SGCD: variants seen among roughly 807,000 people sequenced by gnomAD.
The protein encoded by SGCD is sarcoglycan delta.
A neutral mutation model predicts 36.6 loss-of-function variants in SGCD; 18 were observed. The ratio of observed to expected loss-of-function variants is 0.49; its 90% CI spans 0.34 to 0.73. SGCD has a LOEUF of 0.73. SGCD is among the 30% of genes least tolerant of loss of function. SGCD has a pLI of 0.01. For missense variants in SGCD, 387 were observed against 346.7 expected, an observed-to-expected ratio of 1.12 and a Z score of -0.92; for synonymous variants, 133 against 130.6, an observed-to-expected ratio of 1.02 and a Z score of -0.12.
rs138848412 is a variant in SGCD, at chr5:156,762,182, A to G, written c.*2792A>G. The G allele has an allele frequency of 2.0e-5, 3 of 152,760 alleles. No individual in the cohort carries two copies. Among genetic ancestry groups the G allele is most frequent in the African/African-American group, 7.2e-5 (3 of 41,588 alleles). 9.5% of individuals were successfully genotyped at this position (152,760 alleles called of 1,614,324 possible). Reference sequence around the variant, plus strand: ...AAATGAGATTCTTTCTAATCTTTATATATGACATTTTCTAGACAATCGCAC... The same window carrying G: ...AAATGAGATTCTTTCTAATCTTTATGTATGACATTTTCTAGACAATCGCAC... On this transcript the variant is annotated 3_prime_UTR_variant, in exon 9 of 9. Coordinates refer to ENST00000337851, the MANE Select transcript of SGCD (RefSeq NM_000337.6).
chr5:155,854,354 T>C, the SGCD span, among the ~76,000 whole-genome samples: 1 of 152,226 alleles, frequency 6.6e-6, no homozygotes, highest in African/African-American at 2.4e-5. Flanking sequence ...TTAATTGTTA[T>C]TTCATATAGG....
the SGCD span, among the ~76,000 whole-genome samples, chr5:155,851,250 C>T: frequency 1.3e-5 from 2 of 152,230 alleles, no homozygotes; most frequent in Middle Eastern, 6.8e-3. Flanking sequence ...AGATCCACAT[C>T]AGTTGAAGGA....
chr5:156,616,495 G>C (rs1045592411), intron 6 of SGCD, among the ~76,000 whole-genome samples: 1 of 152,124 alleles, frequency 6.6e-6, no homozygotes, highest in Non-Finnish European at 1.5e-5. Flanking sequence ...CATGATGGTT[G>C]GATGGTTGTA....
At chr5:156,151,970 A>G (rs921397580) in intron 3 of SGCD, among the ~76,000 whole-genome samples, 2 of 151,452 alleles carry the variant, frequency 1.3e-5, no homozygotes, top group East Asian at 3.9e-4. Context: ...AGTGAGGATC[A>G]TGAGCTAGAG....
intron 3 of SGCD, among the ~76,000 whole-genome samples, chr5:156,461,785 C>T (rs1467387907): frequency 1.3e-5 from 2 of 152,146 alleles, no homozygotes; most frequent in African/African-American, 4.8e-5. Flanking sequence ...AAATCTCACA[C>T]TTACTCATTT....
intron 3 of SGCD, among the ~76,000 whole-genome samples, chr5:156,162,455 G>A (rs1581138941): frequency 6.6e-6 from 1 of 151,612 alleles, no homozygotes; most frequent in East Asian, 1.9e-4. Flanking sequence ...AATAGTGTGT[G>A]CAGCTCTCCA....
chr5:156,466,665 A>T (rs933436885), intron 3 of SGCD, among the ~76,000 whole-genome samples: 4 of 152,158 alleles, frequency 2.6e-5, no homozygotes, highest in African/African-American at 9.7e-5. Flanking sequence ...CATCTCAATA[A>T]TGGGTGACTG....
intron 3 of SGCD, among the ~76,000 whole-genome samples, chr5:156,271,114 G>A (rs889969296): frequency 5.3e-5 from 8 of 152,106 alleles, no homozygotes; most frequent in Non-Finnish European, 1.2e-4. Context: ...AAGTTTTTCT[G>A]CAATAGTAAA....
intron 1 of SGCD, among the ~76,000 whole-genome samples, chr5:155,978,234 T>C (rs1039675734): frequency 1.3e-5 from 2 of 152,238 alleles, no homozygotes; most frequent in African/African-American, 4.8e-5. Context: ...GTTCCAAAAT[T>C]TTATTTTACA....
At chr5:155,854,203 G>A in the SGCD span, among the ~76,000 whole-genome samples, 1 of 152,070 alleles carries the variant, frequency 6.6e-6, no homozygotes, top group African/African-American at 2.4e-5. Context: ...TTTTTAGGGT[G>A]GGTAGCAGCA....
At chr5:156,642,402 C>T (rs925881323) in intron 6 of SGCD, among the ~76,000 whole-genome samples, 2 of 151,164 alleles carry the variant, frequency 1.3e-5, no homozygotes, top group African/African-American at 4.9e-5. Context: ...GCCAAACTTT[C>T]TCTCTAGTCT....
At chr5:156,128,712 C>G (rs1021408458) in intron 3 of SGCD, among the ~76,000 whole-genome samples, 5 of 152,158 alleles carry the variant, frequency 3.3e-5, no homozygotes, top group African/African-American at 1.2e-4. Flanking sequence ...CCCTCTCTCT[C>G]TCTTCTGCCA....
Position 155,928,714 on chromosome 5 carries a change from G to A in SGCD, c.-282+58290G>A, listed in dbSNP as rs148192962. On this transcript the variant is annotated intron_variant, in intron 1 of 9. Transcript: ENST00000517913. ...GAGGTAAAAAAAATACAGCACATAT[G>A]AAAGAAAATATGAATGCCTTTAGGA... 3.3e-3 allele frequency among the ~76,000 whole-genome samples: 481 copies of A among 144,680 alleles called. 2 individuals carry two copies. The highest frequency in any genetic ancestry group is 6.0e-3 in the Non-Finnish European group (397 of 65,950). 94.9% of individuals were successfully genotyped at this position (144,680 alleles called of 152,430 possible). A position where few individuals can be genotyped will look rare whatever the true frequency, so the allele number is the denominator to read the frequency against.
intron 3 of SGCD, among the ~76,000 whole-genome samples, chr5:156,424,129 G>A (rs1217572526): frequency 2.6e-5 from 4 of 151,688 alleles, no homozygotes; most frequent in African/African-American, 9.7e-5. Context: ...AAATCATATT[G>A]TTGGTACCAT....
chr5:156,540,862 G>A (rs990389443), intron 4 of SGCD, among the ~76,000 whole-genome samples: 7 of 152,176 alleles, frequency 4.6e-5, no homozygotes, highest in African/African-American at 1.7e-4. Flanking sequence ...TGCTGGCCAG[G>A]GGGCTGAGGG....
intron 3 of SGCD, among the ~76,000 whole-genome samples, chr5:156,225,971 A>C (rs369755790): frequency 1.3e-5 from 2 of 152,290 alleles, no homozygotes; most frequent in Middle Eastern, 3.4e-3. Flanking sequence ...GCTGTTGGGC[A>C]TATGGATAAT....
the SGCD span, among the ~76,000 whole-genome samples, chr5:155,734,426 A>G: frequency 6.6e-6 from 1 of 151,892 alleles, no homozygotes. Flanking sequence ...TACCCAGGCT[A>G]GTCTCAAACT....
chr5:155,938,360 G>A (rs1268053675), intron 1 of SGCD, among the ~76,000 whole-genome samples: 2 of 152,164 alleles, frequency 1.3e-5, no homozygotes, highest in Non-Finnish European at 2.9e-5. Flanking sequence ...ACTTGAGATT[G>A]AATTTTTCAT....
At chr5:156,103,272 G>A (rs1443300022) in intron 1 of SGCD, among the ~76,000 whole-genome samples, 2 of 152,066 alleles carry the variant, frequency 1.3e-5, no homozygotes, top group Non-Finnish European at 2.9e-5. Context: ...ATGAAAGATT[G>A]GCCCATGGGG....
Sources: gnomAD v4.1 joint callset for allele counts (sites outside exome capture counted in the v4.1 genomes callset) on GRCh38, gnomAD v4.1.1 for gene constraint, MANE v1.5 for transcripts, NCBI Gene and HGNC (gene_info 2026-07-23, HGNC 2026-07-21) for gene names.